Variants in ZNF324 observed in about 807,000 individuals in gnomAD.
ZNF324 encodes the protein zinc finger protein 324A.
ZNF324 carries 3 observed loss-of-function variants against 10.3 expected under a neutral mutation model. The observed-to-expected ratio is 0.29, with a 90% confidence interval of 0.13 to 0.75. ZNF324 has a LOEUF of 0.75. Among genes scored for constraint, ZNF324 ranks in the 30% least tolerant of loss-of-function variants. ZNF324 has a pLI of 0.69. For synonymous variants in ZNF324, 430 were observed against 339.5 expected (o/e 1.27, Z -2.93); for missense variants, 763 against 784.4 (o/e 0.97, Z 0.33).
In ZNF324 at chr19:58,472,285, G is replaced by T; in HGVS notation, c.*131G>T. 1 of 1,006,126 alleles carries T rather than the reference G, an allele frequency of 9.9e-7. No individual in the cohort carries two copies. Among genetic ancestry groups the T allele is most frequent in the Non-Finnish European group, 1.4e-6 (1 of 711,590 alleles). The allele number at this position is 1,006,126 out of a possible 1,614,324, so 62.3% of individuals were successfully genotyped here. ...GGGACAAGGGAGGCCCTTTGGCTGTGATTTCATTTGCACGTGGGGACAGGA... is the reference window on the plus strand; with the variant it reads ...GGGACAAGGGAGGCCCTTTGGCTGTTATTTCATTTGCACGTGGGGACAGGA... On this transcript the variant is annotated 3_prime_UTR_variant, in exon 4 of 4. Transcript: ENST00000196482.
rs969474292 is a variant in ZNF324 at position 58,475,333 on chromosome 19, A to G, written c.*3179A>G. 1.3e-5 allele frequency: 2 copies of G among 152,218 alleles called. No individual in the cohort carries two copies. The highest frequency in any genetic ancestry group is 6.5e-5 in the Admixed American group (1 of 15,286). 9.4% of individuals were successfully genotyped at this position (152,218 alleles called of 1,614,324 possible). The stretch of plus-strand genomic sequence containing the variant: ...TGTGGAAGCAAAACTGACCCCACAG[A>G]TTTAGAAAACTGTAACACTGCTTAT... On this transcript the variant is annotated 3_prime_UTR_variant, in exon 4 of 4. Coordinates refer to ENST00000196482, the MANE Select transcript of ZNF324 (RefSeq NM_014347.3).
rs1004675159 is a variant in ZNF324, at chr19:58,474,317, G to A, written c.*2163G>A. 1.3e-5 allele frequency: 2 copies of A among 152,148 alleles called. No individual in the cohort carries two copies. Among genetic ancestry groups the A allele is most frequent in the Non-Finnish European group, 2.9e-5 (2 of 68,026 alleles). 9.4% of individuals were successfully genotyped at this position (152,148 alleles called of 1,614,324 possible). ...ATGGGAGTCAGGAGCAAAAGCATCTGTCAAACAAGTAGATACCCAGAGAGT... is the reference window on the plus strand; with the variant it reads ...ATGGGAGTCAGGAGCAAAAGCATCTATCAAACAAGTAGATACCCAGAGAGT... On this transcript the variant is annotated 3_prime_UTR_variant, in exon 4 of 4. Transcript: ENST00000196482.
At chr19:58,467,220 C>G (rs1370301446) in intron 1 of ZNF324, 37 bp downstream of exon 1, 1 of 151,214 alleles carries the variant, frequency 6.6e-6, no homozygotes, top group Non-Finnish European at 1.5e-5. Context: ...CCGCCCTGCG[C>G]ACGCGTCGTG....
At chr19:58,470,602 A>G (rs931243003) in intron 3 of ZNF324, 129 bp from the exon 4 acceptor site, 32 of 1,169,138 alleles carry the variant, frequency 2.7e-5, no homozygotes, top group Non-Finnish European at 3.7e-5. Flanking sequence ...CTGCAGGGCC[A>G]GCCTCACCTC....
chr19:58,468,719 G>C (rs1301567701), intron 1 of ZNF324, among the ~76,000 whole-genome samples: 3 of 152,178 alleles, frequency 2.0e-5, no homozygotes, highest in Non-Finnish European at 4.4e-5. Context: ...ACTTGTTCTA[G>C]CTTGCTTGTG....
rs753284167 is a variant in ZNF324, at chr19:58,472,202, A to AAGGGCATAT, written c.*49_*57dup. 8.0e-5 allele frequency: 121 copies of AAGGGCATAT among 1,506,086 alleles called. No homozygotes were observed. The East Asian group carries it at 2.8e-3, about 35-fold the overall frequency. The allele number at this position is 1,506,086 out of a possible 1,614,324, so 93.3% of individuals were successfully genotyped here. On this transcript the variant is annotated 3_prime_UTR_variant, in exon 4 of 4. Transcript: ENST00000196482. Reference sequence around the variant, plus strand: ...CTTCTGTGAATCCCTTCCACAGCTAAAGGGCATATGTCCTCTGCAGATCCA... The same window carrying AAGGGCATAT: ...CTTCTGTGAATCCCTTCCACAGCTAAAGGGCATATAGGGCATATGTCCTCTGCAGATCCA...
At chr19:58,469,692 T>C in intron 2 of ZNF324, 36 bp from the exon 3 acceptor site, 1 of 1,524,842 alleles carries the variant, frequency 6.6e-7, no homozygotes, top group South Asian at 1.2e-5. Context: ...TATCTTGAGC[T>C]GGGGCTGGAC....
rs767577500 is a variant in ZNF324, at chr19:58,470,791, A to T, written c.299A>T (p.Asp100Val). The change falls in exon 4 of 4, where the codon GAT (aspartate) becomes GTT (valine). Residue 100 changes from aspartate (D) to valine (V), a missense_variant. Around this residue, in one of 3 missense-constraint regions of ZNF324, gnomAD observed 379 missense variants for 319.4 expected, o/e 1.19. Coordinates refer to ENST00000196482, the MANE Select transcript of ZNF324 (RefSeq NM_014347.3). The part of the protein sequence containing the change: ...VSGEWPRAFP[D>V]TPPGMTTSVF... ...GGAGAATGGCCACGAGCTTTCCCAG[A>T]TACCCCACCTGGGATGACTACTAGC... is the stretch of plus-strand genomic sequence containing the variant. 94 of 1,614,086 alleles carry T rather than the reference A, an allele frequency of 5.8e-5. 1 individual carries two copies. In the South Asian group the frequency reaches 8.6e-4, roughly 15 times the overall value.
rs1046936332 is a variant in ZNF324, at chr19:58,473,597, A to T, written c.*1443A>T. Reference sequence around the variant, plus strand: ...TTAAACATTTGTGTGAACGGTAGCAACCTGACACCTATTTCACCCTCATAC... The same window carrying T: ...TTAAACATTTGTGTGAACGGTAGCATCCTGACACCTATTTCACCCTCATAC... On this transcript the variant is annotated 3_prime_UTR_variant, in exon 4 of 4. Transcript: ENST00000196482. 7 of 152,160 alleles carry T rather than the reference A, an allele frequency of 4.6e-5. No homozygotes were observed. Among genetic ancestry groups the T allele is most frequent in the East Asian group, 1.9e-4 (1 of 5,188 alleles). 9.4% of individuals were successfully genotyped at this position (152,160 alleles called of 1,614,324 possible).
At chr19:58,470,532 C>T in intron 3 of ZNF324, 199 bp from the exon 4 acceptor site, 3 of 709,942 alleles carry the variant, frequency 4.2e-6, no homozygotes, top group African/African-American at 1.7e-5. Context: ...CATGGGAGTG[C>T]CCAGTGTAGT....
At chr19:58,470,067 G>A (rs1447076538) in intron 3 of ZNF324, among the ~76,000 whole-genome samples, 1 of 152,122 alleles carries the variant, frequency 6.6e-6, no homozygotes, top group African/African-American at 2.4e-5. Context: ...CTCAGGCTAT[G>A]GTGAGACCAT....
In ZNF324 at chr19:58,470,767, G is replaced by A; in HGVS notation, c.275G>A (p.Gly92Glu). 1 of 1,614,188 alleles carries A rather than the reference G, an allele frequency of 6.2e-7. No homozygotes were observed. Reference sequence around the variant, plus strand: ...TTGACAGAGGATAGAGATGTTTCTGGAGAATGGCCACGAGCTTTCCCAGAT... The same window carrying A: ...TTGACAGAGGATAGAGATGTTTCTGAAGAATGGCCACGAGCTTTCCCAGAT... ...WSLTEDRDVS[G>E]EWPRAFPDTP... Residue 92 changes from glycine (G) to glutamate (E), a missense_variant, in exon 4 of 4, where the codon GGA becomes GAA. Coordinates refer to ENST00000196482, the MANE Select transcript of ZNF324 (RefSeq NM_014347.3).
rs1286351575 is a variant in ZNF324, at chr19:58,470,753, T to C, written c.261T>C (p.Asp87=). ...RNPGSWSLTE[D]RDVSGEWPRA... ...TAGGTTCCTGGAGTTTGACAGAGGA[T>C]AGAGATGTTTCTGGAGAATGGCCAC... is the stretch of plus-strand genomic sequence containing the variant. The change falls in exon 4 of 4, where the codon GAT becomes GAC. Residue 87 remains aspartate (D), a synonymous_variant. Transcript: ENST00000196482. 1 of 1,614,174 alleles carries C rather than the reference T, an allele frequency of 6.2e-7. No individual in the cohort carries two copies. Among genetic ancestry groups the C allele is most frequent in the African/African-American group, 1.3e-5 (1 of 75,028 alleles).
chr19:58,472,327 C>G lies in ZNF324; in HGVS notation c.*173C>G. 1.5e-6 allele frequency: 1 copy of G among 662,640 alleles called. No individual in the cohort carries two copies. Among genetic ancestry groups the G allele is most frequent in the Middle Eastern group, 4.2e-4 (1 of 2,368 alleles). The allele number at this position is 662,640 out of a possible 1,614,324, so 41.0% of individuals were successfully genotyped here. On this transcript the variant is annotated 3_prime_UTR_variant, in exon 4 of 4. Coordinates refer to ENST00000196482, the MANE Select transcript of ZNF324 (RefSeq NM_014347.3). ...GGGACAGGATTTGCCAGTTCACCCA[C>G]AGATCACACCTCCATCCCCAAAGAG...
At chr19:58,470,604 C>T (rs956237021) in intron 3 of ZNF324, 127 bp from the exon 4 acceptor site, 3 of 1,198,238 alleles carry the variant, frequency 2.5e-6, no homozygotes, top group East Asian at 2.4e-5. Context: ...GCAGGGCCAG[C>T]CTCACCTCTA....
chr19:58,470,498 G>A (rs923210013), intron 3 of ZNF324: 7 of 645,024 alleles, frequency 1.1e-5, no homozygotes, highest in African/African-American at 9.0e-5. Flanking sequence ...CACATCCTGG[G>A]TGTCGGGGGG....
rs761410628 is a variant in ZNF324 at position 58,472,034 on chromosome 19, C to G, written c.1542C>G (p.Ala514=). 7 of 1,606,912 alleles carry G rather than the reference C, an allele frequency of 4.4e-6. No homozygotes were observed. Among genetic ancestry groups the G allele is most frequent in the Non-Finnish European group, 3.4e-6 (4 of 1,179,632 alleles). Residue 514 remains alanine (A), a synonymous_variant, in exon 4 of 4, where the codon GCC becomes GCG. Coordinates refer to ENST00000196482, the MANE Select transcript of ZNF324 (RefSeq NM_014347.3). ...TGEKTVRRSR[A]SLHPQARSVA... is the part of the protein sequence containing the mutation. The stretch of plus-strand genomic sequence containing the variant: ...AGAAGACCGTCCGGCGATCCAGGGC[C>G]AGCCTGCACCCCCAGGCCAGGTCTG...
chr19:58,472,881 CTG>C lies in ZNF324; in HGVS notation c.*728_*729del. The stretch of plus-strand genomic sequence containing the variant: ...TATCCCGACTTGGAAGATGAGGAAA[CTG>C]AGGCACACGGCCTGGCCTGGCTTCA... On this transcript the variant is annotated 3_prime_UTR_variant, in exon 4 of 4. Transcript: ENST00000196482. 6.5e-6 allele frequency: 1 copy of C among 152,680 alleles called. No homozygotes were observed. Among genetic ancestry groups the C allele is most frequent in the Non-Finnish European group, 1.5e-5 (1 of 68,160 alleles). The allele number at this position is 152,680 out of a possible 1,614,324, so 9.5% of individuals were successfully genotyped here. A position where few individuals can be genotyped will look rare whatever the true frequency, so the allele number is the denominator to read the frequency against.
In ZNF324 at chr19:58,471,635, C is replaced by T. The variant is rs745319101; in HGVS notation, c.1143C>T (p.Asn381=). The T allele has an allele frequency of 3.1e-6, 5 of 1,610,582 alleles. No individual in the cohort carries two copies. The African/African-American group carries it at 6.7e-5, about 22-fold the overall frequency. ...AGTGTGGCCGCCGCTTCTGCCGCAA[C>T]TCGCACCTGATCCAGCACGAGCGTA... ...CAQCGRRFCR[N]SHLIQHERTH... Residue 381 remains asparagine, a synonymous_variant, in exon 4 of 4, where the codon AAC becomes AAT. Transcript: ENST00000196482.
Sources: allele counts gnomAD v4.1 joint callset (sites outside exome capture counted in the v4.1 genomes callset), GRCh38; gene constraint gnomAD v4.1.1; regional missense constraint gnomAD v4.1.1; transcripts MANE v1.5; gene names NCBI Gene and HGNC (gene_info 2026-07-23, HGNC 2026-07-21).